STOX2: variants seen among roughly 807,000 people sequenced by gnomAD.
The protein encoded by STOX2 is storkhead-box protein 2.
In STOX2, 28 loss-of-function variants were observed where a neutral mutation model predicts 60.9. That is an observed-to-expected ratio of 0.46 (90% CI 0.34 to 0.63). STOX2 has a LOEUF of 0.63. Ranked by LOEUF, STOX2 falls within the 30% of genes least tolerant of loss-of-function variation. STOX2 has a pLI of 0.01. For synonymous variants in STOX2, 472 were observed against 463.9 expected (o/e 1.02, Z -0.22); for missense variants, 1,024 against 1,187.7 (o/e 0.86, Z 2.03).
intron 2 of STOX2, among the ~76,000 whole-genome samples, chr4:184,002,862 G>A (rs1325968313): frequency 1.3e-5 from 2 of 152,158 alleles, no homozygotes; most frequent in Non-Finnish European, 2.9e-5. Context: ...CCTTCTCCTT[G>A]TGATATTTCT....
chr4:183,826,804 C>A (rs1739445503), intron 1 of STOX2, among the ~76,000 whole-genome samples: 2 of 152,208 alleles, frequency 1.3e-5, no homozygotes, highest in Non-Finnish European at 2.9e-5. Context: ...GCCAGCTGGA[C>A]CAAAGACCCT....
intron 1 of STOX2, among the ~76,000 whole-genome samples, chr4:183,859,796 A>G (rs545009663): frequency 7.9e-5 from 12 of 152,348 alleles, no homozygotes; most frequent in South Asian, 4.1e-4. Context: ...ACCGAACTGA[A>G]TGGATTTTTT....
intron 1 of STOX2, among the ~76,000 whole-genome samples, chr4:183,995,016 G>C (rs1733270338): frequency 6.6e-6 from 1 of 152,188 alleles, no homozygotes; most frequent in African/African-American, 2.4e-5. Flanking sequence ...CAGTTTGCCT[G>C]GGGAAATTCT....
chr4:183,997,929 G>T (rs1193760368), intron 1 of STOX2, among the ~76,000 whole-genome samples: 3 of 152,284 alleles, frequency 2.0e-5, no homozygotes, highest in South Asian at 2.1e-4. Context: ...TGAATGAAAA[G>T]AAATTAACTG....
intron 1 of STOX2, among the ~76,000 whole-genome samples, chr4:183,910,330 A>G (rs149728814): frequency 1.1e-3 from 166 of 152,360 alleles, no homozygotes; most frequent in African/African-American, 3.8e-3. Flanking sequence ...GCAAATCTGT[A>G]TAATGAACGC....
At chr4:183,916,768 A>T (rs1406485703) in intron 1 of STOX2, among the ~76,000 whole-genome samples, 1 of 152,186 alleles carries the variant, frequency 6.6e-6, no homozygotes, top group African/African-American at 2.4e-5. Context: ...CTACACAAAA[A>T]AGTACAGTTG....
intron 1 of STOX2, among the ~76,000 whole-genome samples, chr4:183,874,585 T>C (rs1740768262): frequency 6.6e-6 from 1 of 151,782 alleles, no homozygotes; most frequent in African/African-American, 2.4e-5. Context: ...TCTAATAGCA[T>C]TTTTGTTCTT....
In STOX2 at chr4:184,009,870, G is replaced by GAGT; in HGVS notation, c.1034_1036dup (p.Ser345dup). 4 of 1,611,796 alleles carry GAGT rather than the reference G, an allele frequency of 2.5e-6. No homozygotes were observed. The highest frequency in any genetic ancestry group is 3.4e-6 in the Non-Finnish European group (4 of 1,178,942). On this transcript the variant is annotated inframe_insertion, in exon 3 of 4. Coordinates refer to ENST00000308497, the MANE Select transcript of STOX2 (RefSeq NM_020225.3). This position sits in a 1 kb window ranked among gnomAD's most constrained non-coding sequence, Gnocchi z 4.0. ...AACTGGAAGAAGAAAAGGCCCAGAG[G>GAGT]AGTAAAGCCGGGTCCTCTGCCCATC...
chr4:183,982,001 C>T (rs982454597), intron 1 of STOX2, among the ~76,000 whole-genome samples: 5 of 152,144 alleles, frequency 3.3e-5, no homozygotes, highest in Admixed American at 6.5e-5. Flanking sequence ...ACTTTTCTTT[C>T]GATATATTTT....
At chr4:183,934,637 T>G (rs1340320494) in intron 1 of STOX2, among the ~76,000 whole-genome samples, 1 of 152,232 alleles carries the variant, frequency 6.6e-6, no homozygotes, top group Non-Finnish European at 1.5e-5. Flanking sequence ...GCAGCAGTTC[T>G]TGGCCTTGTC....
At chr4:183,823,428 A>C (rs535961833) in intron 1 of STOX2, among the ~76,000 whole-genome samples, 4 of 151,960 alleles carry the variant, frequency 2.6e-5, no homozygotes, top group South Asian at 2.1e-4. Context: ...AAACCAAAAA[A>C]CCCCCAACTA....
intron 1 of STOX2, among the ~76,000 whole-genome samples, chr4:183,977,326 G>A (rs937085777): frequency 6.6e-6 from 1 of 152,084 alleles, no homozygotes; most frequent in Non-Finnish European, 1.5e-5. Context: ...ATGTATCCAC[G>A]GGATTAGAAG....
chr4:183,901,452 A>G (rs1381233320), upstream of STOX2, among the ~76,000 whole-genome samples: 1 of 152,182 alleles, frequency 6.6e-6, no homozygotes, highest in African/African-American at 2.4e-5. Flanking sequence ...GCTGGATCAT[A>G]TGGTAACTCT....
intron 1 of STOX2, among the ~76,000 whole-genome samples, chr4:183,800,521 T>C (rs1216018278): frequency 8.5e-5 from 13 of 152,240 alleles, no homozygotes; most frequent in Admixed American, 8.5e-4. Context: ...TATCGTCAGG[T>C]CCTTTTACAT....
intron 1 of STOX2, among the ~76,000 whole-genome samples, chr4:183,976,759 G>T (rs948200859): frequency 6.6e-6 from 1 of 152,182 alleles, no homozygotes; most frequent in African/African-American, 2.4e-5. Context: ...GATGGTGAAA[G>T]ACCTAATACC....
At chr4:183,847,201 G>A (rs567603656) in intron 1 of STOX2, among the ~76,000 whole-genome samples, 1 of 152,312 alleles carries the variant, frequency 6.6e-6, no homozygotes, top group Non-Finnish European at 1.5e-5. Flanking sequence ...GCAGAAGTGA[G>A]AGCTCAGTGC....
At position 184,001,507 on chromosome 4, in the gene STOX2, G is replaced by A. The variant is rs1472842234; in HGVS notation, c.319+30G>A. ...CGAGGCGGGAACGTAGCACTTTCCA[G>A]GTGGCGGTGTGCTGTGGTCGCTCTA... On this transcript the variant is annotated intron_variant, in intron 2 of 3. Coordinates refer to ENST00000308497, the MANE Select transcript of STOX2 (RefSeq NM_020225.3). This position sits in a 1 kb window ranked among gnomAD's most constrained non-coding sequence, Gnocchi z 4.2. The A allele has an allele frequency of 1.4e-5, 22 of 1,611,060 alleles. No homozygotes were observed. Among genetic ancestry groups the A allele is most frequent in the Non-Finnish European group, 1.9e-5 (22 of 1,178,800 alleles).
chr4:183,919,704 C>A (rs1742043764), intron 1 of STOX2, among the ~76,000 whole-genome samples: 1 of 152,078 alleles, frequency 6.6e-6, no homozygotes, highest in African/African-American at 2.4e-5. Context: ...CTCCTGGGAT[C>A]AAGCAATCCT....
intron 1 of STOX2, among the ~76,000 whole-genome samples, chr4:183,854,856 G>GT (rs911365245): frequency 3.3e-5 from 5 of 151,856 alleles, no homozygotes; most frequent in East Asian, 1.9e-4. Flanking sequence ...AACAGGGAAT[G>GT]TTTTTTTTAA....
Sources: allele counts gnomAD v4.1 joint callset (sites outside exome capture counted in the v4.1 genomes callset), GRCh38; gene constraint gnomAD v4.1.1; non-coding constraint Gnocchi (gnomAD v3.1); transcripts MANE v1.5; gene names NCBI Gene and HGNC (gene_info 2026-07-23, HGNC 2026-07-21).